Variants in LOXL2 observed in about 807,000 individuals in gnomAD.
LOXL2 encodes lysyl oxidase like 2.
LOXL2 carries 70 observed loss-of-function variants against 93.0 expected under a neutral mutation model. The observed-to-expected ratio is 0.75, with a 90% CI of 0.62 to 0.92. LOXL2 has a LOEUF of 0.92. Ranked by LOEUF, LOXL2 falls within the 40% of genes least tolerant of loss-of-function variation. The pLI is 0.00. For missense variants in LOXL2, 973 were observed against 1,054.9 expected (o/e 0.92, Z 1.08); for synonymous variants, 438 against 413.2 (o/e 1.06, Z -0.73).
In LOXL2 at chr8:23,360,222, C is replaced by T. The variant is rs371881312; in HGVS notation, c.399G>A (p.Ala133=). ...CATTGGAGGTGCATGCTGCAAGGGT[C>T]GCCTCGTTGCCAGTACAGTGGAGAT... ...LDNLHCTGNE[A]TLAACTSNGW... is the part of the protein sequence containing the mutation. Residue 133 remains alanine, a synonymous_variant, in exon 3 of 14, where the codon GCG becomes GCA. Coordinates refer to ENST00000389131, the MANE Select transcript of LOXL2 (RefSeq NM_002318.3). The T allele has an allele frequency of 1.9e-4, 314 of 1,613,698 alleles. No homozygotes were observed. The highest frequency in any genetic ancestry group is 2.4e-4 in the Non-Finnish European group (283 of 1,179,856).
At chr8:23,308,672 G>A (rs1803270380) in intron 10 of LOXL2, among the ~76,000 whole-genome samples, 1 of 152,232 alleles carries the variant, frequency 6.6e-6, no homozygotes, top group Non-Finnish European at 1.5e-5. Context: ...GAAACAGAGG[G>A]AAGGTAAGAG....
chr8:23,366,584 G>A (rs1232070074), intron 2 of LOXL2, among the ~76,000 whole-genome samples: 1 of 152,222 alleles, frequency 6.6e-6, no homozygotes, highest in African/African-American at 2.4e-5. Context: ...ACTAGATTAT[G>A]GTGGGTTGAG....
Position 23,359,990 on chromosome 8 carries a change from C to G in LOXL2, c.531+100G>C, listed in dbSNP as rs150412733. On this transcript the variant is annotated intron_variant, in intron 3 of 13. Transcript: ENST00000389131. ...TCCCATTGGGTGAGGTACCCTCCTTCCTGCTCACACACACTTCTTGAAATC... is the reference window on the plus strand; with the variant it reads ...TCCCATTGGGTGAGGTACCCTCCTTGCTGCTCACACACACTTCTTGAAATC... 1.4e-4 allele frequency: 156 copies of G among 1,138,414 alleles called. No homozygotes were observed. In the African/African-American group the frequency reaches 2.1e-3, roughly 15 times the overall value. The allele number at this position is 1,138,414 out of a possible 1,614,324, so 70.5% of individuals were successfully genotyped here.
chr8:23,341,233 G>T, intron 3 of LOXL2, 30 bp from the exon 4 acceptor site: 1 of 1,566,852 alleles, frequency 6.4e-7, no homozygotes, highest in South Asian at 1.1e-5. Context: ...GAAGGAGAGG[G>T]TTACCCTACT....
At chr8:23,359,974 G>C (rs554283828) in intron 3 of LOXL2, 116 bp downstream of exon 3, 4 of 943,376 alleles carry the variant, frequency 4.2e-6, no homozygotes, top group Non-Finnish European at 6.5e-6. Flanking sequence ...ATCCCATTGG[G>C]TGAGGTACCC....
chr8:23,343,642 G>A (rs1253418971), intron 3 of LOXL2, among the ~76,000 whole-genome samples: 1 of 152,218 alleles, frequency 6.6e-6, no homozygotes, highest in Non-Finnish European at 1.5e-5. Context: ...CCTGCAAGGC[G>A]GTGGAAAGTA....
chr8:23,317,264 G>T, intron 8 of LOXL2, 150 bp from the exon 9 acceptor site: 1 of 808,326 alleles, frequency 1.2e-6, no homozygotes, highest in South Asian at 1.5e-5. Context: ...TATCCAAGCT[G>T]TGCAGTTAGT....
Position 23,328,288 on chromosome 8 carries a change from G to A in LOXL2, c.1150+94C>T, listed in dbSNP as rs1803617071. The A allele has an allele frequency of 3.0e-6, 4 of 1,350,572 alleles. No individual in the cohort carries two copies. In the South Asian group the frequency reaches 5.0e-5, roughly 17 times the overall value. 83.7% of individuals were successfully genotyped at this position (1,350,572 alleles called of 1,614,324 possible). A position where few individuals can be genotyped will look rare whatever the true frequency, so the allele number is the denominator to read the frequency against. ...CCACTAAAGGGAGGAGGGAAAGTGA[G>A]GATTTCCCGAGAGCTCACGGCCAGC... On this transcript the variant is annotated intron_variant, in intron 6 of 13. Coordinates refer to ENST00000389131, the MANE Select transcript of LOXL2 (RefSeq NM_002318.3).
chr8:23,340,488 T>A (rs1803864665), intron 4 of LOXL2, among the ~76,000 whole-genome samples: 1 of 152,214 alleles, frequency 6.6e-6, no homozygotes, highest in Non-Finnish European at 1.5e-5. Flanking sequence ...ATTGTCAGAT[T>A]TAACTGGGAT....
At chr8:23,323,331 T>A (rs931139274) in intron 6 of LOXL2, among the ~76,000 whole-genome samples, 3 of 152,106 alleles carry the variant, frequency 2.0e-5, no homozygotes, top group African/African-American at 7.2e-5. Context: ...GAGCAGAAGG[T>A]TCTGTCTGGG....
At chr8:23,357,098 C>T (rs567856482) in intron 3 of LOXL2, among the ~76,000 whole-genome samples, 3 of 151,516 alleles carry the variant, frequency 2.0e-5, no homozygotes, top group South Asian at 2.1e-4. Flanking sequence ...GACGGAGTCT[C>T]GCTGTTGTTG....
rs555874942 is a variant in LOXL2 at position 23,379,302 on chromosome 8, G to A, written c.-83-10868C>T. Among the ~76,000 whole-genome samples the A allele has an allele frequency of 7.4e-4, 112 of 152,280 alleles. 1 individual carries two copies. The highest frequency in any genetic ancestry group is 2.4e-3 in the Admixed American group (36 of 15,292). On this transcript the variant is annotated intron_variant, in intron 1 of 13. Coordinates refer to ENST00000389131, the MANE Select transcript of LOXL2 (RefSeq NM_002318.3). Reference sequence around the variant, plus strand: ...GCCTGATTGTTCCTCTGGAAGCTTCGTCTCAGAGGGGTACCCAGCCGTGTG... The same window carrying A: ...GCCTGATTGTTCCTCTGGAAGCTTCATCTCAGAGGGGTACCCAGCCGTGTG...
rs1325183668 is a variant in LOXL2, at chr8:23,302,050, G to T, written c.2110C>A (p.Pro704Thr). 6.2e-7 allele frequency: 1 copy of T among 1,614,004 alleles called. No individual in the cohort carries two copies. The highest frequency in any genetic ancestry group is 8.5e-7 in the Non-Finnish European group (1 of 1,180,002). The change falls in exon 12 of 14, where the codon CCC becomes ACC. Residue 704 changes from proline to threonine, a missense_variant. Coordinates refer to ENST00000389131, the MANE Select transcript of LOXL2 (RefSeq NM_002318.3). ...ACCTGGAACAGGTAGTCTCCAGGGG[G>T]CACGTCAGTGATGTCAACCCACTGG... ...DCQWVDITDVPPGDYLFQVVI... is the reference protein window; with the variant it reads ...DCQWVDITDVTPGDYLFQVVI...
intron 5 of LOXL2, among the ~76,000 whole-genome samples, chr8:23,330,542 C>T (rs2117168732): frequency 6.6e-6 from 1 of 152,244 alleles, no homozygotes; most frequent in East Asian, 1.9e-4. Flanking sequence ...AACCTCGCCC[C>T]AGCCCAGCTA....
At chr8:23,376,253 A>G (rs1804587641) in intron 1 of LOXL2, among the ~76,000 whole-genome samples, 1 of 152,052 alleles carries the variant, frequency 6.6e-6, no homozygotes, top group Non-Finnish European at 1.5e-5. Flanking sequence ...ACTGATTTGC[A>G]TATGTTGAAC....
chr8:23,318,756 A>G (rs75186899), intron 8 of LOXL2, among the ~76,000 whole-genome samples: 1,720 of 152,328 alleles, frequency 0.011, 13 homozygotes, highest in Non-Finnish European at 0.012. Context: ...CTTGTCATAA[A>G]CAATATTAGC....
At chr8:23,352,592 C>T (rs1804112562) in intron 3 of LOXL2, among the ~76,000 whole-genome samples, 1 of 152,126 alleles carries the variant, frequency 6.6e-6, no homozygotes, top group Non-Finnish European at 1.5e-5. Flanking sequence ...GCTGGGAGGG[C>T]AATGCTGAAA....
chr8:23,386,023 G>T, intron 1 of LOXL2: 2 of 765,236 alleles, frequency 2.6e-6, no homozygotes, highest in South Asian at 1.3e-5. Context: ...CCTGAGCAAG[G>T]TATTATCAGC....
rs759858572 is a variant in LOXL2, at chr8:23,368,207, C to A, written c.145G>T (p.Ala49Ser). ...QPAPEYHQPQAPANVAKIQLR... is the reference protein window; with the variant it reads ...QPAPEYHQPQSPANVAKIQLR... Reference sequence around the variant, plus strand: ...TGAATCTTGGCCACGTTGGCGGGGGCCTGGGGCTGGTGATACTCAGGAGCC... The same window carrying A: ...TGAATCTTGGCCACGTTGGCGGGGGACTGGGGCTGGTGATACTCAGGAGCC... The change falls in exon 2 of 14, where the codon GCC (alanine) becomes TCC (serine). Residue 49 changes from alanine (A) to serine (S), a missense_variant. By Grantham distance (99) the Ala-to-Ser change is moderately conservative. Coordinates refer to ENST00000389131, the MANE Select transcript of LOXL2 (RefSeq NM_002318.3). 3.7e-6 allele frequency: 6 copies of A among 1,614,042 alleles called. No individual in the cohort carries two copies. The highest frequency in any genetic ancestry group is 2.2e-5 in the East Asian group (1 of 44,880).
Sources: gnomAD v4.1 joint callset for allele counts (sites outside exome capture counted in the v4.1 genomes callset) on GRCh38, gnomAD v4.1.1 for gene constraint, MANE v1.5 for transcripts, NCBI Gene and HGNC (gene_info 2026-07-23, HGNC 2026-07-21) for gene names.